Variants in UTRN observed in about 807,000 individuals in gnomAD.
UTRN encodes utrophin.
In UTRN, 283 loss-of-function variants were observed where a neutral mutation model predicts 463.9. The ratio of observed to expected loss-of-function variants is 0.61; its 90% CI spans 0.55 to 0.67. The LOEUF is 0.67. UTRN is among the 30% of genes least tolerant of loss of function. UTRN has a pLI of 0.00. For missense variants in UTRN, 3,922 were observed against 4,084.3 expected, an observed-to-expected ratio of 0.96 and a Z score of 1.08; for synonymous variants, 1,442 against 1,431.5, an observed-to-expected ratio of 1.01 and a Z score of -0.17.
chr6:144,297,641 A>G (rs1444031987), intron 2 of UTRN, among the ~76,000 whole-genome samples: 4 of 152,164 alleles, frequency 2.6e-5, no homozygotes, highest in African/African-American at 7.2e-5. Flanking sequence ...GTTTTTTTCC[A>G]TGAGCCCTGG....
At chr6:144,609,420 A>C (rs1183062078) in intron 51 of UTRN, among the ~76,000 whole-genome samples, 1 of 152,238 alleles carries the variant, frequency 6.6e-6, no homozygotes, top group Non-Finnish European at 1.5e-5. Flanking sequence ...GCAACATTAG[A>C]GAGCACCTAA....
chr6:144,782,292 C>G (rs1373935658), intron 61 of UTRN, among the ~76,000 whole-genome samples, 169 bp downstream of exon 61: 3 of 152,090 alleles, frequency 2.0e-5, no homozygotes, highest in Non-Finnish European at 4.4e-5. Context: ...CATTGAGCTT[C>G]TTAACAAACA....
At chr6:144,687,488 CA>C (rs1782889681) in intron 52 of UTRN, among the ~76,000 whole-genome samples, 1 of 152,084 alleles carries the variant, frequency 6.6e-6, no homozygotes, top group Non-Finnish European at 1.5e-5. Context: ...ATGAAATAAT[CA>C]AACAAGAAGA....
Position 144,479,983 on chromosome 6 carries a change from G to T in UTRN, c.3507+1G>T. The T allele has an allele frequency of 6.2e-7, 1 of 1,613,392 alleles. No individual in the cohort carries two copies. The highest frequency in any genetic ancestry group is 8.5e-7 in the Non-Finnish European group (1 of 1,179,718). Reference sequence around the variant, plus strand: ...TGAGAGTGCTGTGGAAGAGATGAAGGTGAGGCGGGGACGACCAGTGCCAAC... The same window carrying T: ...TGAGAGTGCTGTGGAAGAGATGAAGTTGAGGCGGGGACGACCAGTGCCAAC... On this transcript the variant is annotated splice_donor_variant, in intron 26 of 74. Coordinates refer to ENST00000367545, the MANE Select transcript of UTRN (RefSeq NM_007124.3). LOFTEE classifies it high-confidence loss of function.
At chr6:144,385,825 C>T (rs1464976859) in intron 2 of UTRN, among the ~76,000 whole-genome samples, 1 of 152,000 alleles carries the variant, frequency 6.6e-6, no homozygotes, top group Non-Finnish European at 1.5e-5. Flanking sequence ...TCTCCTGCCT[C>T]AACCTCCTGA....
chr6:144,475,576 C>T (rs1012872573), intron 25 of UTRN, among the ~76,000 whole-genome samples: 6 of 152,168 alleles, frequency 3.9e-5, no homozygotes, highest in African/African-American at 1.4e-4. Context: ...AGGGAAGTGA[C>T]ATGTGATATA....
chr6:144,621,415 T>C (rs1465976463), intron 51 of UTRN, among the ~76,000 whole-genome samples: 1 of 140,504 alleles, frequency 7.1e-6, no homozygotes. Flanking sequence ...TTCTAGAAAG[T>C]TTTACTGATC....
At chr6:144,561,250 T>TACACACAC (rs1200374892) in intron 50 of UTRN, among the ~76,000 whole-genome samples, 2 of 51,832 alleles carry the variant, frequency 3.9e-5, no homozygotes, top group African/African-American at 1.4e-4. Context: ...TATATATATA[T>TACACACAC]ATATATATAT....
chr6:144,405,745 C>T (rs1783336463), intron 3 of UTRN, among the ~76,000 whole-genome samples: 1 of 152,182 alleles, frequency 6.6e-6, no homozygotes, highest in African/African-American at 2.4e-5. Context: ...GCCTCCTCCC[C>T]ATCAAAAGTC....
chr6:144,707,678 G>T (rs2128701897), intron 53 of UTRN, among the ~76,000 whole-genome samples: 1 of 152,304 alleles, frequency 6.6e-6, no homozygotes, highest in South Asian at 2.1e-4. Context: ...GGCTTGTTAA[G>T]CCACAGATTG....
Position 144,453,774 on chromosome 6 carries a change from AT to A in UTRN, c.2197-5del. 6.2e-7 allele frequency: 1 copy of A among 1,611,166 alleles called. No individual in the cohort carries two copies. The highest frequency in any genetic ancestry group is 8.5e-7 in the Non-Finnish European group (1 of 1,178,388). On this transcript the variant is annotated splice_polypyrimidine_tract_variant and splice_region_variant and intron_variant, in intron 18 of 74. Transcript: ENST00000367545. ...TGCAATATTCTTATGTTGGGACTTCATTTGCAGGCATTAGAAAAAGAACAGA... is the reference window on the plus strand; with the variant it reads ...TGCAATATTCTTATGTTGGGACTTCATTGCAGGCATTAGAAAAAGAACAGA...
intron 51 of UTRN, among the ~76,000 whole-genome samples, chr6:144,595,784 A>G (rs1315806691): frequency 6.6e-6 from 1 of 152,216 alleles, no homozygotes; most frequent in African/African-American, 2.4e-5. Context: ...ATAATAATTA[A>G]ACATTCTGGT....
intron 61 of UTRN, among the ~76,000 whole-genome samples, chr6:144,783,691 T>G (rs1192119495): frequency 6.6e-6 from 1 of 152,220 alleles, no homozygotes; most frequent in East Asian, 1.9e-4. Flanking sequence ...TACCTATATG[T>G]ACTTTTGTAC....
chr6:144,468,861 A>G (rs1263407759), intron 23 of UTRN, among the ~76,000 whole-genome samples: 1 of 152,178 alleles, frequency 6.6e-6, no homozygotes, highest in Non-Finnish European at 1.5e-5. Context: ...TTGTGACAAT[A>G]TTTTGCTCAG....
chr6:144,775,787 G>A (rs950627329), intron 60 of UTRN, among the ~76,000 whole-genome samples: 4 of 152,174 alleles, frequency 2.6e-5, no homozygotes, highest in Middle Eastern at 3.4e-3. Context: ...CCCAGTTTTC[G>A]ACAACACTTA....
intron 51 of UTRN, among the ~76,000 whole-genome samples, chr6:144,655,980 G>C (rs1377850970): frequency 6.6e-6 from 1 of 152,062 alleles, no homozygotes; most frequent in African/African-American, 2.4e-5. Flanking sequence ...AAGCAGTTTA[G>C]ATTTAGATTT....
In UTRN at chr6:144,554,797, G is replaced by A. The variant is rs1259171647; in HGVS notation, c.7038G>A (p.Glu2346=). 1.2e-6 allele frequency: 2 copies of A among 1,614,014 alleles called. No homozygotes were observed. The highest frequency in any genetic ancestry group is 3.3e-5 in the Admixed American group (2 of 60,008). ...IDSLQWDDHR[E]ETEELMRKYE... is the part of the protein sequence containing the mutation. Reference sequence around the variant, plus strand: ...GTCTTCAGTGGGATGACCATAGGGAGGAGACTGAAGAACTGATGAGAAAAT... The same window carrying A: ...GTCTTCAGTGGGATGACCATAGGGAAGAGACTGAAGAACTGATGAGAAAAT... The change falls in exon 49 of 75, where the codon GAG becomes GAA. Residue 2346 remains glutamate, a synonymous_variant. Coordinates refer to ENST00000367545, the MANE Select transcript of UTRN (RefSeq NM_007124.3).
chr6:144,447,436 T>G (rs1787807134), intron 15 of UTRN, 118 bp downstream of exon 15: 3 of 1,271,120 alleles, frequency 2.4e-6, no homozygotes, highest in Non-Finnish European at 3.3e-6. Context: ...AGCATTAGAC[T>G]GCTGCCCTGT....
chr6:144,811,308 TGA>T (rs2128750039), intron 65 of UTRN, among the ~76,000 whole-genome samples: 1 of 152,254 alleles, frequency 6.6e-6, no homozygotes, highest in East Asian at 1.9e-4. Context: ...AGCTCTACCT[TGA>T]GTTAGGGTAG....
Sources: gnomAD v4.1 joint callset for allele counts (sites outside exome capture counted in the v4.1 genomes callset) on GRCh38, gnomAD v4.1.1 for gene constraint, MANE v1.5 for transcripts, NCBI Gene and HGNC (gene_info 2026-07-23, HGNC 2026-07-21) for gene names.